BACE2: variants seen among roughly 807,000 people sequenced by gnomAD.
BACE2 encodes 56 kDa aspartic-like protease.
A neutral mutation model predicts 46.2 loss-of-function variants in BACE2; 17 were observed. That is an observed-to-expected ratio of 0.37 (90% CI 0.25 to 0.55). The LOEUF (loss-of-function observed/expected upper bound fraction) is 0.55, where lower values mean the gene tolerates loss of function less well. Among genes scored for constraint, BACE2 ranks in the 20% least tolerant of loss-of-function variants. The pLI is 0.82. For synonymous variants in BACE2, 277 were observed against 295.9 expected (o/e 0.94, Z 0.66); for missense variants, 595 against 698.1 (o/e 0.85, Z 1.66).
chr21:41,253,000 C>A (rs1471962575), intron 7 of BACE2, among the ~76,000 whole-genome samples: 3 of 152,176 alleles, frequency 2.0e-5, no homozygotes, highest in African/African-American at 4.8e-5. Context: ...AAGCATTTAG[C>A]CCTGCCTGTG....
At chr21:41,234,635 A>G (rs1832220680) in intron 2 of BACE2, among the ~76,000 whole-genome samples, 1 of 152,228 alleles carries the variant, frequency 6.6e-6, no homozygotes, top group Admixed American at 6.5e-5. Context: ...GTCTTTGTAT[A>G]TTTCTGAACT....
At chr21:41,189,818 G>A (rs764317262) in intron 1 of BACE2, among the ~76,000 whole-genome samples, 22 of 152,114 alleles carry the variant, frequency 1.4e-4, no homozygotes, top group Non-Finnish European at 2.8e-4. Flanking sequence ...TAGATAAAGG[G>A]GAGTTTATTA....
chr21:41,168,185 G>A lies in BACE2; in HGVS notation c.-79G>A. On this transcript the variant is annotated 5_prime_UTR_variant, in exon 1 of 9. Coordinates refer to ENST00000330333, the MANE Select transcript of BACE2 (RefSeq NM_012105.5). ...ATCCCTGCCCGCAGCCCCGCGCGCC[G>A]GCCGAGTCGCTGAGCCGCGGCTGCC... 2 of 874,218 alleles carry A rather than the reference G, an allele frequency of 2.3e-6. No individual in the cohort carries two copies. The highest frequency in any genetic ancestry group is 2.8e-6 in the Non-Finnish European group (2 of 713,972). The allele number at this position is 874,218 out of a possible 1,614,324, so 54.2% of individuals were successfully genotyped here.
At chr21:41,169,191 T>A (rs1984505261) in intron 1 of BACE2, among the ~76,000 whole-genome samples, 1 of 151,942 alleles carries the variant, frequency 6.6e-6, no homozygotes, top group African/African-American at 2.4e-5. Flanking sequence ...GGAGTTGGTT[T>A]GTCAGCTGTG....
At chr21:41,248,426 G>A (rs75303510) in intron 6 of BACE2, among the ~76,000 whole-genome samples, 3,512 of 152,220 alleles carry the variant, frequency 0.023, 78 homozygotes, top group Middle Eastern at 0.054. Context: ...TCCACCTGCC[G>A]TTGGAGCTGG....
chr21:41,255,061 G>A (rs745753428), intron 7 of BACE2, among the ~76,000 whole-genome samples: 9 of 152,208 alleles, frequency 5.9e-5, no homozygotes, highest in Non-Finnish European at 1.2e-4. Flanking sequence ...CTCCATGCAG[G>A]CTAAGAGAGA....
chr21:41,191,180 G>A (rs1215110501), intron 1 of BACE2, among the ~76,000 whole-genome samples: 2 of 152,196 alleles, frequency 1.3e-5, no homozygotes, highest in African/African-American at 2.4e-5. Flanking sequence ...GCCTTCTGGA[G>A]AACTTTGTCC....
At chr21:41,183,830 G>A (rs972675557) in intron 1 of BACE2, 2 of 167,050 alleles carry the variant, frequency 1.2e-5, no homozygotes, top group African/African-American at 4.8e-5. Flanking sequence ...GAGCAGTTAG[G>A]ACATTTGCAT....
intron 6 of BACE2, among the ~76,000 whole-genome samples, 189 bp from the exon 7 acceptor site, chr21:41,250,563 C>A (rs76300391): frequency 0.015 from 2,353 of 152,306 alleles, 47 homozygotes; most frequent in African/African-American, 0.05. Flanking sequence ...TGTGTCTTGA[C>A]AATTTTAATC....
At position 41,241,893 on chromosome 21, in the gene BACE2, G is replaced by T; in HGVS notation, c.693G>T (p.Gln231His). The T allele has an allele frequency of 6.2e-7, 1 of 1,614,202 alleles. No individual in the cohort carries two copies. Among genetic ancestry groups the T allele is most frequent in the Non-Finnish European group, 8.5e-7 (1 of 1,180,040 alleles). ...ACATCCCCAACGTTTTCTCCATGCA[G>T]ATGTGTGGAGCCGGCTTGCCCGTTG... ...QANIPNVFSM[Q>H]MCGAGLPVAG... The change falls in exon 4 of 9, where the codon CAG becomes CAT. Residue 231 changes from glutamine to histidine, a missense_variant. Coordinates refer to ENST00000330333, the MANE Select transcript of BACE2 (RefSeq NM_012105.5).
At chr21:41,179,791 T>C in intron 1 of BACE2, 2 of 568,456 alleles carry the variant, frequency 3.5e-6, no homozygotes, top group Non-Finnish European at 5.8e-6. Flanking sequence ...GACTATTGTG[T>C]GTTTTATTCA....
chr21:41,237,378 GGAGGTTGCAGT>G, intron 2 of BACE2, 124 bp from the exon 3 acceptor site: 1 of 501,226 alleles, frequency 2.0e-6, no homozygotes, highest in Admixed American at 4.0e-5. Flanking sequence ...CCCGGGAGGC[GGAGGTTGCAGT>G]GAGCCAAGAT....
chr21:41,186,821 C>T (rs868297946), intron 1 of BACE2: 1 of 152,240 alleles, frequency 6.6e-6, no homozygotes, highest in African/African-American at 2.4e-5. Flanking sequence ...CATATTTATA[C>T]CTACCTTTAA....
At chr21:41,222,989 G>A (rs1349111268) in intron 1 of BACE2, among the ~76,000 whole-genome samples, 3 of 152,196 alleles carry the variant, frequency 2.0e-5, no homozygotes, top group Non-Finnish European at 2.9e-5. Context: ...CACGCCAGGC[G>A]TGAGATGATG....
intron 1 of BACE2, among the ~76,000 whole-genome samples, chr21:41,207,922 A>C (rs1426224717): frequency 6.6e-6 from 1 of 152,168 alleles, no homozygotes; most frequent in Non-Finnish European, 1.5e-5. Context: ...CAGCTGGGAC[A>C]CCCTGTCTTC....
intron 8 of BACE2, among the ~76,000 whole-genome samples, chr21:41,260,315 T>A (rs1372929490): frequency 6.6e-6 from 1 of 151,998 alleles, no homozygotes; most frequent in Non-Finnish European, 1.5e-5. Flanking sequence ...AGAAAATTTT[T>A]GGTATTTTGT....
At chr21:41,220,381 G>A (rs1025712835) in intron 1 of BACE2, among the ~76,000 whole-genome samples, 5 of 152,166 alleles carry the variant, frequency 3.3e-5, no homozygotes, top group African/African-American at 1.2e-4. Context: ...AAGGTTGGGG[G>A]TGGGGCTGAA....
chr21:41,272,960 G>A (rs892755984), intron 8 of BACE2, among the ~76,000 whole-genome samples: 3 of 152,246 alleles, frequency 2.0e-5, no homozygotes, highest in African/African-American at 7.2e-5. Context: ...GTGTCAGCCG[G>A]TCTGAGAAAT....
intron 1 of BACE2, among the ~76,000 whole-genome samples, chr21:41,191,954 A>ATCATGCTTCTTCC (rs60844005): frequency 0.018 from 2,679 of 152,198 alleles, 90 homozygotes; most frequent in African/African-American, 0.06. Flanking sequence ...CAATTTTCCA[A>ATCATGCTTCTTCC]TCATGCTTCT....
Sources: gnomAD v4.1 joint callset for allele counts (sites outside exome capture counted in the v4.1 genomes callset) on GRCh38, gnomAD v4.1.1 for gene constraint, MANE v1.5 for transcripts, NCBI Gene and HGNC (gene_info 2026-07-23, HGNC 2026-07-21) for gene names.